The following PGAP4 variants were observed in gnomAD, a reference collection of about 807,000 sequenced individuals.
PGAP4 encodes the protein post-GPI attachment to proteins GalNAc transferase 4, also known as GPI-N-acetylgalactosamine transferase PGAP4.
In PGAP4, 12 loss-of-function variants were observed where a neutral mutation model predicts 28.2. That is an observed-to-expected ratio of 0.42 (90% CI 0.27 to 0.69). The LOEUF is 0.69. PGAP4 is among the 30% of genes least tolerant of loss of function. PGAP4 has a pLI of 0.22. For missense variants in PGAP4, 425 were observed against 513.5 expected, an observed-to-expected ratio of 0.83 and a Z score of 1.67; for synonymous variants, 205 against 211.8, an observed-to-expected ratio of 0.97 and a Z score of 0.28.
intron 2 of PGAP4, among the ~76,000 whole-genome samples, chr9:101,523,187 C>T (rs1232068971): frequency 4.6e-5 from 7 of 152,026 alleles, no homozygotes; most frequent in Admixed American, 3.9e-4. Flanking sequence ...CTTTGGATAA[C>T]CTGATGACTT....
At chr9:101,481,116 C>T (rs1442612873) in intron 1 of PGAP4, among the ~76,000 whole-genome samples, 1 of 152,106 alleles carries the variant, frequency 6.6e-6, no homozygotes, top group Non-Finnish European at 1.5e-5. Flanking sequence ...AGGTCGAGGC[C>T]GCAGTGAGCT....
intron 2 of PGAP4, among the ~76,000 whole-genome samples, chr9:101,521,850 G>A (rs1826990911): frequency 6.6e-6 from 1 of 151,918 alleles, no homozygotes; most frequent in African/African-American, 2.4e-5. Context: ...AGGTATTTAG[G>A]GCTATGAAAT....
At chr9:101,487,363 A>T (rs901078200), upstream of PGAP4, among the ~76,000 whole-genome samples, 3 of 152,238 alleles carry the variant, frequency 2.0e-5, no homozygotes, top group Admixed American at 2.0e-4. Context: ...CAATGGAACG[A>T]TATCTCTCAA....
intron 2 of PGAP4, among the ~76,000 whole-genome samples, chr9:101,513,505 A>G (rs1826916080): frequency 6.6e-6 from 1 of 152,202 alleles, no homozygotes; most frequent in African/African-American, 2.4e-5. Flanking sequence ...ATGATGAAAC[A>G]AGGACATCAC....
At chr9:101,533,481 T>G (rs1362513840), upstream of PGAP4, 1 of 152,276 alleles carries the variant, frequency 6.6e-6, no homozygotes, top group Non-Finnish European at 1.5e-5. Flanking sequence ...AGGCTAGTCA[T>G]GTCCCCGGAG....
At chr9:101,496,363 A>G (rs1826747975) in intron 2 of PGAP4, among the ~76,000 whole-genome samples, 1 of 151,554 alleles carries the variant, frequency 6.6e-6, no homozygotes, top group Non-Finnish European at 1.5e-5. Context: ...AAGTCCAGCA[A>G]AAGTTGAACT....
chr9:101,489,594 C>T (rs1010176704), upstream of PGAP4, among the ~76,000 whole-genome samples: 1 of 152,156 alleles, frequency 6.6e-6, no homozygotes, highest in South Asian at 2.1e-4. Flanking sequence ...CTATGGTGAC[C>T]CATCAGGGAA....
At chr9:101,489,974 G>T (rs1482062820), upstream of PGAP4, among the ~76,000 whole-genome samples, 1 of 152,130 alleles carries the variant, frequency 6.6e-6, no homozygotes, top group Non-Finnish European at 1.5e-5. Context: ...AATGGGAAGA[G>T]TGGGGATGGA....
chr9:101,476,304 C>G lies in PGAP4; in HGVS notation c.789G>C (p.Leu263=), dbSNP rs1336273423. 1.2e-6 allele frequency: 2 copies of G among 1,613,926 alleles called. No homozygotes were observed. Among genetic ancestry groups the G allele is most frequent in the South Asian group, 1.1e-5 (1 of 91,062 alleles). The part of the protein sequence containing the change: ...HYINPEPMRI[L]EWVGVGMLLG... ...GCAACATGCCTACACCAACCCATTC[C>G]AGGATCCGCATGGGCTCTGGATTGA... The change falls in exon 2 of 2, where the codon CTG becomes CTC. Residue 263 remains leucine (L), a synonymous_variant. Transcript: ENST00000374848. This position sits in a 1 kb window ranked among gnomAD's most constrained non-coding sequence, Gnocchi z 7.0.
chr9:101,529,022 A>G (rs1248335424), intron 2 of PGAP4, among the ~76,000 whole-genome samples: 3 of 151,296 alleles, frequency 2.0e-5, no homozygotes, highest in Non-Finnish European at 4.4e-5. Flanking sequence ...CTTAGCTCCT[A>G]CTTATAAGTG....
rs189723438 is a variant in PGAP4 at position 101,527,359 on chromosome 9, T to C, written c.-165+3989A>G. Reference sequence around the variant, plus strand: ...ATACTACTGCTGTAAGACCTCCTTTTAACTGAATTTGGCCATATGCCTTTG... The same window carrying C: ...ATACTACTGCTGTAAGACCTCCTTTCAACTGAATTTGGCCATATGCCTTTG... On this transcript the variant is annotated intron_variant, in intron 2 of 3. Coordinates refer to the PGAP4 transcript ENST00000374851. 3.9e-5 allele frequency among the ~76,000 whole-genome samples: 6 copies of C among 152,334 alleles called. No homozygotes were observed. In the East Asian group the frequency reaches 1.2e-3, roughly 29 times the overall value.
At chr9:101,501,703 G>C in intron 2 of PGAP4, 1 of 519,118 alleles carries the variant, frequency 1.9e-6, no homozygotes. Context: ...AGTAGAACTT[G>C]TATAGATCAT....
chr9:101,476,166 A>G lies in PGAP4; in HGVS notation c.927T>C (p.Gly309=). 6.2e-7 allele frequency: 1 copy of G among 1,614,072 alleles called. No homozygotes were observed. The highest frequency in any genetic ancestry group is 8.5e-7 in the Non-Finnish European group (1 of 1,180,014). The part of the protein sequence containing the change: ...LYSMGLVELV[G]RHYFLELRRL... Reference sequence around the variant, plus strand: ...GCCGCAGTTCCAGGAAATAGTGCCGACCCACCAGCTCCACCAGACCCATGC... The same window carrying G: ...GCCGCAGTTCCAGGAAATAGTGCCGGCCCACCAGCTCCACCAGACCCATGC... The change falls in exon 2 of 2, where the codon GGT becomes GGC. Residue 309 remains glycine (G), a synonymous_variant. Transcript: ENST00000374848. The surrounding 1 kb of genome is among the most constrained non-coding windows in gnomAD (Gnocchi z 7.0).
chr9:101,532,950 C>G (rs1007096246), exon 1 of PGAP4: 1 of 152,206 alleles, frequency 6.6e-6, no homozygotes, highest in Non-Finnish European at 1.5e-5. Context: ...TCTTCCATTT[C>G]TAGACCCTTA....
intron 2 of PGAP4, chr9:101,501,838 A>C (rs1826803965): frequency 2.0e-6 from 1 of 494,052 alleles, no homozygotes; most frequent in South Asian, 1.5e-5. Flanking sequence ...TAAATACAAA[A>C]AAGGGGGATC....
At chr9:101,511,693 T>C (rs1826900311) in intron 2 of PGAP4, among the ~76,000 whole-genome samples, 1 of 152,172 alleles carries the variant, frequency 6.6e-6, no homozygotes, top group Non-Finnish European at 1.5e-5. Flanking sequence ...ACATTATTTA[T>C]AATCAGTGCT....
intron 2 of PGAP4, among the ~76,000 whole-genome samples, chr9:101,514,779 T>C (rs1478254685): frequency 6.6e-6 from 1 of 152,094 alleles, no homozygotes; most frequent in Non-Finnish European, 1.5e-5. Context: ...TAGGTTTGAG[T>C]CACTGATCAG....
upstream of PGAP4, among the ~76,000 whole-genome samples, chr9:101,490,177 T>A (rs1349232243): frequency 6.6e-6 from 1 of 152,082 alleles, no homozygotes; most frequent in Admixed American, 6.6e-5. Context: ...CAAACTTTTT[T>A]ATTTTATTTT....
chr9:101,504,189 TTGTGTG>T (rs1226880431), intron 2 of PGAP4, among the ~76,000 whole-genome samples: 1 of 148,906 alleles, frequency 6.7e-6, no homozygotes, highest in Non-Finnish European at 1.5e-5. Flanking sequence ...TTTTATTTGT[TTGTGTG>T]TGTGTGTGTG....
Sources: gnomAD v4.1 joint callset for allele counts (sites outside exome capture counted in the v4.1 genomes callset) on GRCh38, gnomAD v4.1.1 for gene constraint, Gnocchi (gnomAD v3.1) non-coding constraint, MANE v1.5 for transcripts, NCBI Gene and HGNC (gene_info 2026-07-23, HGNC 2026-07-21) for gene names.